The following KIF14 variants were observed in gnomAD, a reference collection of about 807,000 sequenced individuals.
KIF14 encodes kinesin family member 14.
A neutral mutation model predicts 176.2 loss-of-function variants in KIF14; 98 were observed. The ratio of observed to expected loss-of-function variants is 0.56; its 90% CI spans 0.47 to 0.66. The LOEUF (loss-of-function observed/expected upper bound fraction) is 0.66. Ranked by LOEUF, KIF14 falls within the 30% of genes least tolerant of loss-of-function variation. The pLI, the probability that KIF14 is intolerant of heterozygous loss-of-function variation, is 0.00. For missense variants in KIF14, 1,751 were observed against 1,920.4 expected, an observed-to-expected ratio of 0.91 and a Z score of 1.65; for synonymous variants, 566 against 632.2, an observed-to-expected ratio of 0.90 and a Z score of 1.57.
At position 200,554,570 on chromosome 1, in the gene KIF14, C is replaced by CA; in HGVS notation, c.4464dup (p.Glu1489Ter). 6.5e-7 allele frequency: 1 copy of CA among 1,548,356 alleles called. No individual in the cohort carries two copies. The highest frequency in any genetic ancestry group is 8.9e-7 in the Non-Finnish European group (1 of 1,125,566). Reference sequence around the variant, plus strand: ...ACCATCCTCTTGAAATCTTGGTATTCAAAGTTTTCTTCTTGTACTTGCCTT... The same window carrying CA: ...ACCATCCTCTTGAAATCTTGGTATTCAAAAGTTTTCTTCTTGTACTTGCCTT... On this transcript the variant is annotated frameshift_variant, in exon 29 of 30. Coordinates refer to ENST00000367350, the MANE Select transcript of KIF14 (RefSeq NM_014875.3). LOFTEE classifies it high-confidence loss of function.
At position 200,565,185 on chromosome 1, in the gene KIF14, C is replaced by G. The variant is rs761822650; in HGVS notation, c.3955G>C (p.Val1319Leu). 5 of 1,613,776 alleles carry G rather than the reference C, an allele frequency of 3.1e-6. No homozygotes were observed. In the East Asian group the frequency reaches 8.9e-5, roughly 29 times the overall value. The change falls in exon 25 of 30, where the codon GTG (valine) becomes CTG (leucine). Residue 1319 changes from valine to leucine, a missense_variant. By Grantham distance (32) the Val-to-Leu change is conservative. Coordinates refer to ENST00000367350, the MANE Select transcript of KIF14 (RefSeq NM_014875.3). The part of the protein sequence containing the change: ...QTACAFEQLV[V>L]LMKHWLSDLL... ...TCACTCAGCCAGTGTTTCATTAGCA[C>G]TACTAGCTGCTCAAAAGCACATGCA...
chr1:200,553,195 C>T lies in KIF14; in HGVS notation c.*193G>A. 1 of 475,514 alleles carries T rather than the reference C, an allele frequency of 2.1e-6. No individual in the cohort carries two copies. Among genetic ancestry groups the T allele is most frequent in the Admixed American group, 3.7e-5 (1 of 26,760 alleles). 29.5% of individuals were successfully genotyped at this position (475,514 alleles called of 1,614,324 possible). On this transcript the variant is annotated 3_prime_UTR_variant, in exon 30 of 30. Coordinates refer to ENST00000367350, the MANE Select transcript of KIF14 (RefSeq NM_014875.3). Reference sequence around the variant, plus strand: ...CTGACCTTGTGATCTGCCCGCCTCCCAAAGTGCTGGGATTACAGGCGTGAG... The same window carrying T: ...CTGACCTTGTGATCTGCCCGCCTCCTAAAGTGCTGGGATTACAGGCGTGAG...
At chr1:200,601,757 T>C (rs1558082081) in intron 11 of KIF14, 139 bp downstream of exon 11, 1 of 618,714 alleles carries the variant, frequency 1.6e-6, no homozygotes, top group South Asian at 2.1e-5. Context: ...TCCATCACTA[T>C]AGGCTGATGA....
At chr1:200,591,999 A>T in intron 16 of KIF14, 81 bp downstream of exon 16, 1 of 1,210,766 alleles carries the variant, frequency 8.3e-7, no homozygotes. Context: ...AGAGTTAATT[A>T]CTAGAGACTG....
At position 200,601,940 on chromosome 1, in the gene KIF14, T is replaced by C. The variant is rs778805043; in HGVS notation, c.2108A>G (p.Asn703Ser). 1.2e-5 allele frequency: 20 copies of C among 1,612,950 alleles called. No homozygotes were observed. The highest frequency in any genetic ancestry group is 1.6e-5 in the Non-Finnish European group (19 of 1,179,464). Residue 703 changes from asparagine (N) to serine (S), a missense_variant, in exon 11 of 30, where the codon AAC (asparagine) becomes AGC (serine). By Grantham distance (46) the Asn-to-Ser change is conservative. Coordinates refer to ENST00000367350, the MANE Select transcript of KIF14 (RefSeq NM_014875.3). ...RYANQARLIV[N>S]IAKVNEDMNA... ...CATATCTTCATTTACTTTAGCAATG[T>C]TGACTATTAAACGGGCTTGGTTAGC...
At position 200,579,071 on chromosome 1, in the gene KIF14, C is replaced by G. The variant is rs768086809; in HGVS notation, c.3465+1183G>C. 6.6e-5 allele frequency among the ~76,000 whole-genome samples: 10 copies of G among 151,994 alleles called. No individual in the cohort carries two copies. The South Asian group carries it at 1.5e-3, about 22-fold the overall frequency. On this transcript the variant is annotated intron_variant, in intron 21 of 29. Transcript: ENST00000367350. Reference sequence around the variant, plus strand: ...TGCCACTGCACTCCAGCCTGGGCAACAGAGTGAGATTCCGTCTCAAAAAAA... The same window carrying G: ...TGCCACTGCACTCCAGCCTGGGCAAGAGAGTGAGATTCCGTCTCAAAAAAA...
chr1:200,620,440 C>T lies in KIF14; in HGVS notation c.-145G>A, dbSNP rs890790215. On this transcript the variant is annotated 5_prime_UTR_variant, in exon 1 of 30. Coordinates refer to ENST00000367350, the MANE Select transcript of KIF14 (RefSeq NM_014875.3). ...TAATGCCAACCGACTCGGGGAGACT[C>T]GGGGAGAAGCCCACGGGCCGAGAGG... The T allele has an allele frequency of 6.6e-6, 1 of 152,268 alleles. No homozygotes were observed. Among genetic ancestry groups the T allele is most frequent in the African/African-American group, 2.4e-5 (1 of 41,462 alleles). 9.4% of individuals were successfully genotyped at this position (152,268 alleles called of 1,614,324 possible). A position where few individuals can be genotyped will look rare whatever the true frequency, so the allele number is the denominator to read the frequency against.
intron 25 of KIF14, among the ~76,000 whole-genome samples, chr1:200,561,097 G>A (rs1390072166): frequency 3.3e-5 from 5 of 152,090 alleles, no homozygotes. Flanking sequence ...CAGGCATAGT[G>A]GCACACGCCT....
intron 4 of KIF14, among the ~76,000 whole-genome samples, chr1:200,610,001 T>C (rs955117644): frequency 1.3e-5 from 2 of 152,148 alleles, no homozygotes; most frequent in Non-Finnish European, 2.9e-5. Context: ...GGTAAATTCA[T>C]AGAACAAAAG....
At chr1:200,583,603 C>T (rs564147313) in intron 19 of KIF14, among the ~76,000 whole-genome samples, 5 of 152,228 alleles carry the variant, frequency 3.3e-5, no homozygotes, top group East Asian at 1.9e-4. Flanking sequence ...TAAAAATATG[C>T]TGTGTTTTAC....
chr1:200,561,686 G>T (rs1657168167), intron 25 of KIF14, among the ~76,000 whole-genome samples: 1 of 152,146 alleles, frequency 6.6e-6, no homozygotes, highest in Non-Finnish European at 1.5e-5. Context: ...GCTGCTAAAG[G>T]TGATAAAATG....
At chr1:200,560,962 G>T (rs1220543087) in intron 25 of KIF14, 82 bp from the exon 26 acceptor site, 4 of 1,293,596 alleles carry the variant, frequency 3.1e-6, no homozygotes, top group Non-Finnish European at 4.4e-6. Flanking sequence ...CGGGCACAGC[G>T]GCTCACGCCT....
rs1659710301 is a variant in KIF14 at position 200,603,226 on chromosome 1, C to A, written c.1979G>T (p.Trp660Leu). 6.5e-6 allele frequency: 10 copies of A among 1,532,624 alleles called. No homozygotes were observed. Among genetic ancestry groups the A allele is most frequent in the Non-Finnish European group, 8.1e-6 (9 of 1,110,506 alleles). 94.9% of individuals were successfully genotyped at this position (1,532,624 alleles called of 1,614,324 possible). ...FIPYRESVLT[W>L]LLKESLGGNS... Reference sequence around the variant, plus strand: ...TCTTTATACTTCAAAAGATACTTGCCATGTAAGAACAGATTCACGATAAGG... The same window carrying A: ...TCTTTATACTTCAAAAGATACTTGCAATGTAAGAACAGATTCACGATAAGG... Residue 660 changes from tryptophan (W) to leucine (L), a missense_variant and splice_region_variant, in exon 10 of 30, where the codon TGG (tryptophan) becomes TTG (leucine). By Grantham distance (61) the Trp-to-Leu change is moderately conservative. Transcript: ENST00000367350.
Position 200,602,019 on chromosome 1 carries a change from T to C in KIF14, c.2029A>G (p.Thr677Ala), listed in dbSNP as rs112937304. The C allele has an allele frequency of 3.1e-6, 5 of 1,613,858 alleles. No individual in the cohort carries two copies. The South Asian group carries it at 5.5e-5, about 18-fold the overall frequency. Residue 677 changes from threonine to alanine, a missense_variant, in exon 11 of 30, where the codon ACG becomes GCG. Thr to Ala is a moderately conservative substitution (Grantham distance 58). Coordinates refer to ENST00000367350, the MANE Select transcript of KIF14 (RefSeq NM_014875.3). ...ATGTTGCTGGCAGCGGGACTAATCGTAGCAATCATTGCAGTTTTTGAATTT... is the reference window on the plus strand; with the variant it reads ...ATGTTGCTGGCAGCGGGACTAATCGCAGCAATCATTGCAGTTTTTGAATTT... The part of the protein sequence containing the change: ...GGNSKTAMIA[T>A]ISPAASNIEE...
intron 16 of KIF14, among the ~76,000 whole-genome samples, chr1:200,591,427 T>C (rs1659045247): frequency 6.6e-6 from 1 of 152,256 alleles, no homozygotes; most frequent in Non-Finnish European, 1.5e-5. Context: ...TCTCTAAAAA[T>C]GTAATTCTGA....
chr1:200,572,658 T>C lies in KIF14; in HGVS notation c.3567-2653A>G, dbSNP rs138542687. ...GCACCCAGCCCCGGTAGGCTAAACGTTTAATGCTCATTATTAATGGTCATA... is the reference window on the plus strand; with the variant it reads ...GCACCCAGCCCCGGTAGGCTAAACGCTTAATGCTCATTATTAATGGTCATA... On this transcript the variant is annotated intron_variant, in intron 22 of 29. Transcript: ENST00000367350. Among the ~76,000 whole-genome samples the C allele has an allele frequency of 3.2e-3, 491 of 152,302 alleles. 2 individuals carry two copies. The highest frequency in any genetic ancestry group is 0.011 in the African/African-American group (463 of 41,562).
At chr1:200,599,452 C>G (rs540538797) in intron 13 of KIF14, among the ~76,000 whole-genome samples, 4 of 152,262 alleles carry the variant, frequency 2.6e-5, no homozygotes, top group Admixed American at 6.5e-5. Flanking sequence ...ACTTCAAAGC[C>G]CATCTCAAAT....
intron 15 of KIF14, among the ~76,000 whole-genome samples, chr1:200,592,534 C>T (rs1411316321): frequency 6.6e-6 from 1 of 152,280 alleles, no homozygotes; most frequent in Middle Eastern, 3.4e-3. Context: ...TGCCACCACA[C>T]CCAGCTAATT....
chr1:200,605,371 T>C lies in KIF14; in HGVS notation c.1658A>G (p.Asn553Ser), dbSNP rs144267058. The part of the protein sequence containing the change: ...ADIQSWLELG[N>S]KQRATAATGM... Reference sequence around the variant, plus strand: ...AGTAGCAGCAGTAGCTCTTTGTTTATTTCCCAATTCTAGCCAACTCTTATA... The same window carrying C: ...AGTAGCAGCAGTAGCTCTTTGTTTACTTCCCAATTCTAGCCAACTCTTATA... Residue 553 changes from asparagine to serine, a missense_variant, in exon 8 of 30, where the codon AAT (asparagine) becomes AGT (serine). Transcript: ENST00000367350. 2.0e-3 allele frequency: 3,182 copies of C among 1,613,266 alleles called. 10 individuals carry two copies. Among genetic ancestry groups the C allele is most frequent in the Admixed American group, 3.3e-3 (199 of 59,948 alleles).
Sources: allele counts gnomAD v4.1 joint callset (sites outside exome capture counted in the v4.1 genomes callset), GRCh38; gene constraint gnomAD v4.1.1; transcripts MANE v1.5; gene names NCBI Gene and HGNC (gene_info 2026-07-23, HGNC 2026-07-21).